Variants in SDHB observed in about 807,000 individuals in gnomAD.
The protein encoded by SDHB is succinate dehydrogenase [ubiquinone] iron-sulfur subunit, mitochondrial.
In SDHB, 21 loss-of-function variants were observed where a neutral mutation model predicts 39.7. The ratio of observed to expected loss-of-function variants is 0.53; its 90% CI spans 0.37 to 0.76. The LOEUF (loss-of-function observed/expected upper bound fraction) is 0.76. SDHB is among the 30% of genes least tolerant of loss of function. The pLI, the probability that SDHB is intolerant of heterozygous loss-of-function variation, is 0.00. For synonymous variants in SDHB, 118 were observed against 117.0 expected, an observed-to-expected ratio of 1.01 and a Z score of -0.06; for missense variants, 343 against 350.9, an observed-to-expected ratio of 0.98 and a Z score of 0.18.
chr1:17,019,573 G>A (rs1193669917), intron 7 of SDHB, among the ~76,000 whole-genome samples: 1 of 151,952 alleles, frequency 6.6e-6, no homozygotes, highest in Non-Finnish European at 1.5e-5. Context: ...ACTTTACCAA[G>A]TACTTGCTTT....
intron 1 of SDHB, among the ~76,000 whole-genome samples, chr1:17,051,260 T>TA (rs2078145777): frequency 6.6e-6 from 1 of 152,288 alleles, no homozygotes; most frequent in Admixed American, 6.5e-5. Flanking sequence ...TAAAGACTAA[T>TA]GAGTATTCAA....
rs1060503754 is a variant in SDHB at position 17,022,686 on chromosome 1, C to G, written c.687G>C (p.Glu229Asp). 1 of 1,613,980 alleles carries G rather than the reference C, an allele frequency of 6.2e-7. No individual in the cohort carries two copies. Among genetic ancestry groups the G allele is most frequent in the Non-Finnish European group, 8.5e-7 (1 of 1,179,902 alleles). ...ATGGGTCCTGCAGCTTGGCCAGGCG[C>G]TCCTCTGTGAAGTCATCTCTGGAGT... ...MIDSRDDFTEERLAKLQDPFS... is the reference protein window; with the variant it reads ...MIDSRDDFTEDRLAKLQDPFS... Residue 229 changes from glutamate to aspartate, a missense_variant, in exon 7 of 8, where the codon GAG (glutamate) becomes GAC (aspartate). Coordinates refer to ENST00000375499, the MANE Select transcript of SDHB (RefSeq NM_003000.3).
chr1:17,029,108 T>G (rs151279039), intron 3 of SDHB, among the ~76,000 whole-genome samples: 4,176 of 144,152 alleles, frequency 0.029, 76 homozygotes, highest in African/African-American at 0.035. Flanking sequence ...TTTTTTTTTT[T>G]TTTTTTTTTT....
At chr1:17,035,449 G>T (rs1305152879) in intron 2 of SDHB, among the ~76,000 whole-genome samples, 1 of 152,034 alleles carries the variant, frequency 6.6e-6, no homozygotes, top group Non-Finnish European at 1.5e-5. Context: ...CTGTTTTGTT[G>T]CTACATTTTT....
chr1:17,037,968 C>T (rs2078059487), intron 2 of SDHB, among the ~76,000 whole-genome samples: 1 of 152,188 alleles, frequency 6.6e-6, no homozygotes, highest in African/African-American at 2.4e-5. Flanking sequence ...GAAACCCCAT[C>T]TCCACCAAAA....
chr1:17,034,438 T>C (rs552788161), intron 2 of SDHB, among the ~76,000 whole-genome samples: 1 of 152,208 alleles, frequency 6.6e-6, no homozygotes, highest in East Asian at 1.9e-4. Context: ...TGTGAGGCAA[T>C]GGTGCGATCT....
chr1:17,027,728 C>G, intron 5 of SDHB, 21 bp downstream of exon 5: 1 of 1,355,356 alleles, frequency 7.4e-7, no homozygotes, highest in Admixed American at 1.7e-5. Flanking sequence ...CAGATTGAAA[C>G]AATAAATAGG....
intron 1 of SDHB, among the ~76,000 whole-genome samples, chr1:17,048,023 A>T (rs1451604610): frequency 6.6e-6 from 1 of 152,080 alleles, no homozygotes; most frequent in East Asian, 1.9e-4. Context: ...CATCTTGCAA[A>T]CTGTAGCACA....
intron 2 of SDHB, among the ~76,000 whole-genome samples, chr1:17,033,999 T>C (rs1247863475): frequency 6.6e-6 from 1 of 152,208 alleles, no homozygotes; most frequent in African/African-American, 2.4e-5. Flanking sequence ...AAATATGTAA[T>C]TTTTCATAGT....
At chr1:17,023,158 T>C in intron 6 of SDHB, 1 of 310,042 alleles carries the variant, frequency 3.2e-6, no homozygotes, top group Non-Finnish European at 6.4e-6. Context: ...AGATAGTATT[T>C]GTCCCACTTA....
At position 17,024,131 on chromosome 1, in the gene SDHB, T is replaced by C. The variant is rs564938221; in HGVS notation, c.541-57A>G. 7.5e-6 allele frequency: 9 copies of C among 1,202,944 alleles called. No individual in the cohort carries two copies. The African/African-American group carries it at 1.3e-4, about 18-fold the overall frequency. 74.5% of individuals were successfully genotyped at this position (1,202,944 alleles called of 1,614,324 possible). ...GTGACGGGAGAGACTCTGCTATGTC[T>C]TCAGCTGATTAAATGTTACCTTTGG... is the stretch of plus-strand genomic sequence containing the variant. On this transcript the variant is annotated intron_variant, in intron 5 of 7. Transcript: ENST00000375499.
intron 7 of SDHB, among the ~76,000 whole-genome samples, chr1:17,020,484 GGC>G (rs2077955307): frequency 6.6e-6 from 1 of 152,186 alleles, no homozygotes; most frequent in Non-Finnish European, 1.5e-5. Context: ...GGGAGGGCAA[GGC>G]ACAGAGAACC....
At chr1:17,023,911 C>T (rs2077976845) in intron 6 of SDHB, 62 bp downstream of exon 6, 2 of 1,267,174 alleles carry the variant, frequency 1.6e-6, no homozygotes, top group Non-Finnish European at 2.3e-6. Flanking sequence ...AATCTATTGT[C>T]CTCTTGGACT....
chr1:17,053,478 T>C (rs2078159893), intron 1 of SDHB, among the ~76,000 whole-genome samples: 1 of 152,068 alleles, frequency 6.6e-6, no homozygotes, highest in African/African-American at 2.4e-5. Flanking sequence ...AATTCACATG[T>C]CCTTTCCTCA....
At chr1:17,025,892 C>T (rs1054861326) in intron 5 of SDHB, among the ~76,000 whole-genome samples, 29 of 152,110 alleles carry the variant, frequency 1.9e-4, no homozygotes, top group African/African-American at 6.5e-4. Context: ...TTTTGAGCAC[C>T]AATATGCTGC....
At chr1:17,024,109 A>G (rs746804390) in intron 5 of SDHB, 35 bp from the exon 6 acceptor site, 2 of 1,426,794 alleles carry the variant, frequency 1.4e-6, no homozygotes, top group Non-Finnish European at 2.0e-6. Context: ...GGAGCTTGTG[A>G]CGGGAGAGAC....
At position 17,028,753 on chromosome 1, in the gene SDHB, T is replaced by C; in HGVS notation, c.287-17A>G. ...CACAGATGCCTGAAAGAGACACACA[T>C]TTAACACATCCTCACCCATATCCGG... On this transcript the variant is annotated splice_polypyrimidine_tract_variant and intron_variant, in intron 3 of 7. Transcript: ENST00000375499. 1.2e-6 allele frequency: 2 copies of C among 1,613,306 alleles called. No individual in the cohort carries two copies. Among genetic ancestry groups the C allele is most frequent in the Non-Finnish European group, 1.7e-6 (2 of 1,180,010 alleles).
At position 17,044,757 on chromosome 1, in the gene SDHB, T is replaced by C. The variant is rs774908929; in HGVS notation, c.200+4A>G. The C allele has an allele frequency of 1.9e-6, 3 of 1,613,962 alleles. No homozygotes were observed. The East Asian group carries it at 6.7e-5, about 36-fold the overall frequency. ...CAATAGCTGGCTTTCACAGAGATAC[T>C]CACTTATTAAGGTCAACTTCATAAG... On this transcript the variant is annotated splice_donor_region_variant and intron_variant, in intron 2 of 7. Transcript: ENST00000375499.
rs201397253 is a variant in SDHB, at chr1:17,028,762, T to C, written c.287-26A>G. 5.7e-4 allele frequency: 914 copies of C among 1,612,298 alleles called. 1 individual carries two copies. The highest frequency in any genetic ancestry group is 7.2e-4 in the Non-Finnish European group (852 of 1,179,972). ...CTGAAAGAGACACACATTTAACACA[T>C]CCTCACCCATATCCGGAATCAGTCC... On this transcript the variant is annotated intron_variant, in intron 3 of 7. Transcript: ENST00000375499.
Sources: gnomAD v4.1 joint callset for allele counts (sites outside exome capture counted in the v4.1 genomes callset) on GRCh38, gnomAD v4.1.1 for gene constraint, MANE v1.5 for transcripts, NCBI Gene and HGNC (gene_info 2026-07-23, HGNC 2026-07-21) for gene names.